Variants in ROBO2 observed in about 807,000 individuals in gnomAD.
ROBO2 encodes roundabout guidance receptor 2, also known as roundabout homolog 2.
ROBO2 carries 53 observed loss-of-function variants against 160.8 expected under a neutral mutation model. The ratio of observed to expected loss-of-function variants is 0.33; its 90% confidence interval spans 0.26 to 0.41. The LOEUF is 0.41. Ranked by LOEUF, ROBO2 falls within the 10% of genes least tolerant of loss-of-function variation. The pLI is 1.00. For synonymous variants in ROBO2, 664 were observed against 611.7 expected, an observed-to-expected ratio of 1.09 and a Z score of -1.26; for missense variants, 1,577 against 1,722.4, an observed-to-expected ratio of 0.92 and a Z score of 1.49.
chr3:76,242,613 T>A (rs915588974), intron 2 of ROBO2, among the ~76,000 whole-genome samples: 2 of 152,040 alleles, frequency 1.3e-5, no homozygotes, highest in African/African-American at 4.8e-5. Flanking sequence ...AGGCAGGGCG[T>A]GGTGGCTCGG....
In ROBO2 at chr3:76,658,103, A is replaced by C. The variant is rs1015449014; in HGVS notation, c.110-439911A>C. Among the ~76,000 whole-genome samples the C allele has an allele frequency of 1.0e-4, 15 of 148,840 alleles. No individual in the cohort carries two copies. The South Asian group carries it at 2.7e-3, about 27-fold the overall frequency. Reference sequence around the variant, plus strand: ...AAATAAATAAATAAATAAATAAATAAATAAATAAATAAAATATGTTAAAAT... The same window carrying C: ...AAATAAATAAATAAATAAATAAATACATAAATAAATAAAATATGTTAAAAT... On this transcript the variant is annotated intron_variant, in intron 2 of 26. Coordinates refer to the ROBO2 transcript ENST00000487694.
rs943224739 is a variant in ROBO2, at chr3:76,782,493, C to T, written c.110-315521C>T. On this transcript the variant is annotated intron_variant, in intron 2 of 26. Coordinates refer to the ROBO2 transcript ENST00000487694. The stretch of plus-strand genomic sequence containing the variant: ...AAAAGTGGGGTATTGAAATTCCCTA[C>T]GATTATTTTATTGCTATTTCCTTCT... Among the ~76,000 whole-genome samples the T allele has an allele frequency of 5.3e-5, 8 of 150,630 alleles. No individual in the cohort carries two copies. The South Asian group carries it at 8.3e-4, about 16-fold the overall frequency.
intron 2 of ROBO2, among the ~76,000 whole-genome samples, chr3:76,408,306 T>G (rs1577009451): frequency 1.3e-5 from 2 of 152,048 alleles, no homozygotes; most frequent in Non-Finnish European, 2.9e-5. Flanking sequence ...GCAGTTATGG[T>G]TTTTTGCTAT....
intron 2 of ROBO2, among the ~76,000 whole-genome samples, chr3:77,128,671 T>G (rs2075573440): frequency 6.6e-6 from 1 of 152,236 alleles, no homozygotes; most frequent in African/African-American, 2.4e-5. Context: ...ATGGTGGACC[T>G]TTCATCCCAT....
At chr3:76,058,436 A>C (rs1028350632) in intron 2 of ROBO2, among the ~76,000 whole-genome samples, 1 of 152,156 alleles carries the variant, frequency 6.6e-6, no homozygotes, top group East Asian at 1.9e-4. Context: ...AGTTCTAATA[A>C]GTTCATATTT....
At chr3:76,663,127 A>G (rs1011423163) in intron 2 of ROBO2, among the ~76,000 whole-genome samples, 20 of 152,224 alleles carry the variant, frequency 1.3e-4, no homozygotes, top group African/African-American at 4.8e-4. Flanking sequence ...CTTGAGAAAT[A>G]TTAGAAAGAA....
intron 1 of ROBO2, among the ~76,000 whole-genome samples, chr3:75,907,852 C>CATGT (rs142418773): frequency 1.3e-5 from 2 of 148,570 alleles, no homozygotes; most frequent in African/African-American, 5.0e-5. Flanking sequence ...TAATCGTGTG[C>CATGT]GTGTGTGTGT....
chr3:77,164,854 A>T (rs370478283), intron 2 of ROBO2, among the ~76,000 whole-genome samples: 14 of 23,872 alleles, frequency 5.9e-4, no homozygotes, highest in Admixed American at 1.6e-3. Flanking sequence ...GGAGCCCCTC[A>T]GCCCGGCCAG....
rs370508741 is a variant in ROBO2, at chr3:76,739,174, C to T, written c.110-358840C>T. On this transcript the variant is annotated intron_variant, in intron 2 of 26. Transcript: ENST00000487694. ...TAAATCATGCTGCTATAAAGACACACGCACACATATGTTTATTGCGGCACT... is the reference window on the plus strand; with the variant it reads ...TAAATCATGCTGCTATAAAGACACATGCACACATATGTTTATTGCGGCACT... Among the ~76,000 whole-genome samples the T allele has an allele frequency of 6.6e-3, 997 of 152,176 alleles. 6 individuals carry two copies. Among genetic ancestry groups the T allele is most frequent in the Middle Eastern group, 0.024 (7 of 294 alleles).
intron 2 of ROBO2, among the ~76,000 whole-genome samples, chr3:76,584,620 C>T (rs2085917521): frequency 6.6e-6 from 1 of 152,122 alleles, no homozygotes; most frequent in South Asian, 2.1e-4. Flanking sequence ...ACGCAGCTGA[C>T]ATCTTGATCT....
intron 2 of ROBO2, among the ~76,000 whole-genome samples, chr3:76,298,213 G>T (rs1049969476): frequency 2.0e-5 from 3 of 152,138 alleles, no homozygotes; most frequent in African/African-American, 7.2e-5. Flanking sequence ...CATGTTCCAG[G>T]TTCTGTAGAA....
At chr3:76,040,925 G>T (rs1404236463) in intron 2 of ROBO2, among the ~76,000 whole-genome samples, 2 of 151,952 alleles carry the variant, frequency 1.3e-5, no homozygotes, top group Non-Finnish European at 2.9e-5. Flanking sequence ...GGAGGGGGAG[G>T]TTGCAGTGAG....
intron 2 of ROBO2, among the ~76,000 whole-genome samples, chr3:76,216,271 G>A (rs1019974780): frequency 2.0e-5 from 3 of 152,104 alleles, no homozygotes; most frequent in East Asian, 1.9e-4. Context: ...AAAATAACCA[G>A]CTAACATCAT....
At chr3:76,210,677 G>A (rs540372512) in intron 2 of ROBO2, among the ~76,000 whole-genome samples, 1 of 152,050 alleles carries the variant, frequency 6.6e-6, no homozygotes, top group East Asian at 1.9e-4. Context: ...CAAAAAAGGG[G>A]CAAATAGAAA....
At chr3:76,403,368 A>G (rs562726128) in intron 2 of ROBO2, among the ~76,000 whole-genome samples, 2 of 151,754 alleles carry the variant, frequency 1.3e-5, no homozygotes, top group South Asian at 2.1e-4. Context: ...ATATTTGTCT[A>G]TGTTATTATT....
intron 2 of ROBO2, among the ~76,000 whole-genome samples, chr3:76,193,154 A>G (rs1377930371): frequency 6.6e-6 from 1 of 152,130 alleles, no homozygotes; most frequent in African/African-American, 2.4e-5. Context: ...CCATCAGTTA[A>G]AATACTGGTT....
chr3:76,717,041 G>T (rs149075904), intron 2 of ROBO2, among the ~76,000 whole-genome samples: 1 of 152,134 alleles, frequency 6.6e-6, no homozygotes, highest in Non-Finnish European at 1.5e-5. Flanking sequence ...GCCACCAACC[G>T]TGTTGATGTG....
At chr3:77,374,917 A>T (rs150231430) in intron 2 of ROBO2, among the ~76,000 whole-genome samples, 1 of 152,262 alleles carries the variant, frequency 6.6e-6, no homozygotes. Flanking sequence ...ACAATAAGAT[A>T]TATGAATGGT....
chr3:76,533,954 G>C (rs1005008905), intron 2 of ROBO2, among the ~76,000 whole-genome samples: 7 of 152,112 alleles, frequency 4.6e-5, no homozygotes, highest in African/African-American at 9.7e-5. Flanking sequence ...TTCGGCTGCT[G>C]CAGATTTCTT....
Sources: allele counts gnomAD v4.1 joint callset (sites outside exome capture counted in the v4.1 genomes callset), GRCh38; gene constraint gnomAD v4.1.1; transcripts MANE v1.5; gene names NCBI Gene and HGNC (gene_info 2026-07-23, HGNC 2026-07-21).